Variants in MTF1 observed in about 807,000 individuals in gnomAD.
The protein encoded by MTF1 is MRE-binding transcription factor.
MTF1 carries 22 observed loss-of-function variants against 70.4 expected under a neutral mutation model. That is an observed-to-expected ratio of 0.31 (90% CI 0.22 to 0.45). MTF1 has a LOEUF of 0.45. Among genes scored for constraint, MTF1 ranks in the 20% least tolerant of loss-of-function variants. The probability of loss-of-function intolerance (pLI) is 1.00; values close to 1 mark genes in which losing one functional copy is unlikely to be tolerated. For missense variants in MTF1, 649 were observed against 922.0 expected (o/e 0.70, Z 3.83); for synonymous variants, 333 against 352.8 (o/e 0.94, Z 0.63).
At chr1:37,844,545 CAGAT>C (rs1264015917) in intron 2 of MTF1, among the ~76,000 whole-genome samples, 3 of 152,074 alleles carry the variant, frequency 2.0e-5, no homozygotes, top group African/African-American at 7.2e-5. Context: ...TTTGTGCTGC[CAGAT>C]AGAGAATTGA....
At chr1:37,842,135 G>T (rs1641263756) in intron 2 of MTF1, among the ~76,000 whole-genome samples, 1 of 151,996 alleles carries the variant, frequency 6.6e-6, no homozygotes, top group South Asian at 2.1e-4. Flanking sequence ...AGGCGTGGTG[G>T]CACATGCCTA....
intron 8 of MTF1, among the ~76,000 whole-genome samples, chr1:37,823,454 A>T (rs1640950129): frequency 1.4e-5 from 2 of 145,026 alleles, no homozygotes; most frequent in South Asian, 2.2e-4. Flanking sequence ...AAAAAAAAAA[A>T]TGTAGAAGAA....
chr1:37,853,611 T>C (rs1641449401), intron 2 of MTF1, among the ~76,000 whole-genome samples: 1 of 152,224 alleles, frequency 6.6e-6, no homozygotes, highest in Non-Finnish European at 1.5e-5. Flanking sequence ...AAATGGCCTG[T>C]TTCCCACCTG....
chr1:37,844,787 T>C (rs1641309169), intron 2 of MTF1, among the ~76,000 whole-genome samples: 1 of 152,204 alleles, frequency 6.6e-6, no homozygotes, highest in Admixed American at 6.5e-5. Flanking sequence ...TTTTTTCATT[T>C]GCACAATTCA....
chr1:37,821,152 G>C (rs1640904214), intron 9 of MTF1, among the ~76,000 whole-genome samples: 1 of 151,206 alleles, frequency 6.6e-6, no homozygotes, highest in African/African-American at 2.4e-5. Flanking sequence ...CTCTAGCCTG[G>C]GTGACAGAGC....
intron 7 of MTF1, chr1:37,828,275 G>C: frequency 2.7e-6 from 1 of 365,726 alleles, no homozygotes; most frequent in Non-Finnish European, 5.3e-6. Context: ...TGAGGGGGGG[G>C]CCTCTGGGGT....
chr1:37,857,031 G>A (rs1228501546), intron 2 of MTF1, among the ~76,000 whole-genome samples: 1 of 152,142 alleles, frequency 6.6e-6, no homozygotes, highest in Non-Finnish European at 1.5e-5. Flanking sequence ...AAGGAAATTC[G>A]AGAAATTACA....
intron 9 of MTF1, among the ~76,000 whole-genome samples, chr1:37,819,951 CAAAAAAAAAAAAAAAAAAAAAAA>C (rs766621404): frequency 1.2e-5 from 1 of 82,682 alleles, no homozygotes; most frequent in Non-Finnish European, 2.1e-5. Flanking sequence ...GACTCTGACT[CAAAAAAAAAAAAAAAAAAAAAAA>C]AAAAAAAAAA....
intron 2 of MTF1, among the ~76,000 whole-genome samples, chr1:37,852,924 C>A (rs1159566835): frequency 2.6e-5 from 4 of 152,188 alleles, no homozygotes; most frequent in African/African-American, 9.7e-5. Context: ...AGCCACTGTG[C>A]CTGGCCTATT....
chr1:37,825,553 T>C (rs1293445810), intron 7 of MTF1, among the ~76,000 whole-genome samples: 1 of 152,196 alleles, frequency 6.6e-6, no homozygotes, highest in Non-Finnish European at 1.5e-5. Flanking sequence ...TTTTGATTTT[T>C]ACATGAAATC....
chr1:37,858,033 A>G (rs1641527788), intron 1 of MTF1, among the ~76,000 whole-genome samples: 1 of 148,490 alleles, frequency 6.7e-6, no homozygotes, highest in Non-Finnish European at 1.5e-5. Context: ...AAAAAAAAAG[A>G]AAAAGAAAGA....
intron 8 of MTF1, 149 bp from the exon 9 acceptor site, chr1:37,822,865 T>C (rs1640939768): frequency 6.6e-6 from 4 of 606,976 alleles, no homozygotes; most frequent in Non-Finnish European, 2.9e-6. Context: ...GTCATTTTCA[T>C]TTAGTGACAC....
intron 5 of MTF1, 59 bp downstream of exon 5, chr1:37,835,612 G>T: frequency 7.9e-7 from 1 of 1,263,836 alleles, no homozygotes; most frequent in Non-Finnish European, 1.2e-6. Context: ...AGCTCTACAG[G>T]TCTCAATGGA....
At chr1:37,833,916 T>C (rs1416751422) in intron 6 of MTF1, among the ~76,000 whole-genome samples, 2 of 151,978 alleles carry the variant, frequency 1.3e-5, no homozygotes, top group African/African-American at 4.8e-5. Context: ...AAGAGGACCA[T>C]ATGGCTGAAG....
chr1:37,832,469 G>A (rs1397690664), intron 6 of MTF1, 147 bp from the exon 7 acceptor site: 2 of 592,344 alleles, frequency 3.4e-6, no homozygotes, highest in African/African-American at 1.9e-5. Flanking sequence ...CCAAAGCAAG[G>A]GCTAAATGAA....
At position 37,822,763 on chromosome 1, in the gene MTF1, A is replaced by G. The variant is rs1458878184; in HGVS notation, c.1172-47T>C. ...AATATATATACATATCCCAAGCCTT[A>G]GATGAGCCACAAAAACAGTCATTAT... On this transcript the variant is annotated intron_variant, in intron 8 of 10. Transcript: ENST00000373036. 1.5e-6 allele frequency: 2 copies of G among 1,378,150 alleles called. 1 individual carries two copies. Among genetic ancestry groups the G allele is most frequent in the Admixed American group, 3.7e-5 (2 of 54,770 alleles). 85.4% of individuals were successfully genotyped at this position (1,378,150 alleles called of 1,614,324 possible). A position where few individuals can be genotyped will look rare whatever the true frequency, so the allele number is the denominator to read the frequency against.
chr1:37,840,222 C>G lies in MTF1; in HGVS notation c.409-64G>C. ...GCTGCCCAGGGCTTAACTCCCCCAC[C>G]CAGAGCTCAGCTCCCAAGAGATGCT... On this transcript the variant is annotated intron_variant, in intron 2 of 10. Coordinates refer to ENST00000373036, the MANE Select transcript of MTF1 (RefSeq NM_005955.3). This position sits in a 1 kb window ranked among gnomAD's most constrained non-coding sequence, Gnocchi z 4.5. The G allele has an allele frequency of 3.5e-6, 5 of 1,438,036 alleles. No homozygotes were observed. In the South Asian group the frequency reaches 4.7e-5, roughly 13 times the overall value. The allele number at this position is 1,438,036 out of a possible 1,614,324, so 89.1% of individuals were successfully genotyped here. A position where few individuals can be genotyped will look rare whatever the true frequency, so the allele number is the denominator to read the frequency against.
At position 37,857,405 on chromosome 1, in the gene MTF1, T is replaced by C; in HGVS notation, c.254A>G (p.Asp85Gly). 1.2e-6 allele frequency: 2 copies of C among 1,614,168 alleles called. No individual in the cohort carries two copies. The change falls in exon 2 of 11, where the codon GAT becomes GGT. Residue 85 changes from aspartate (D) to glycine (G), a missense_variant. Coordinates refer to ENST00000373036, the MANE Select transcript of MTF1 (RefSeq NM_005955.3). ...VGGEEGFHLI[D>G]HEAMSQGYVQ... Reference sequence around the variant, plus strand: ...ATAACCCTGGGACATTGCTTCATGATCTATCAGGTGAAAGCCCTCTTCACC... The same window carrying C: ...ATAACCCTGGGACATTGCTTCATGACCTATCAGGTGAAAGCCCTCTTCACC...
chr1:37,819,951 CAAAAAAAAAAAAAAAAAA>C lies in MTF1; in HGVS notation c.1767+2152_1767+2169del, dbSNP rs766621404. 1.9e-3 allele frequency among the ~76,000 whole-genome samples: 156 copies of C among 82,698 alleles called. 1 individual carries two copies. Among genetic ancestry groups the C allele is most frequent in the Admixed American group, 2.2e-3 (14 of 6,496 alleles). 54.3% of individuals were successfully genotyped at this position (82,698 alleles called of 152,430 possible). On this transcript the variant is annotated intron_variant, in intron 9 of 10. Transcript: ENST00000373036. ...TAGGCAACAGAGCAAGACTCTGACT[CAAAAAAAAAAAAAAAAAA>C]AAAAAAAAAAAAAAAAGGAGAAGTG... is the stretch of plus-strand genomic sequence containing the variant.
Sources: gnomAD v4.1 joint callset for allele counts (sites outside exome capture counted in the v4.1 genomes callset) on GRCh38, gnomAD v4.1.1 for gene constraint, Gnocchi (gnomAD v3.1) non-coding constraint, MANE v1.5 for transcripts, NCBI Gene and HGNC (gene_info 2026-07-23, HGNC 2026-07-21) for gene names.